Variants in AGAP1 observed in about 807,000 individuals in gnomAD.
AGAP1 encodes the protein arf-GAP with GTPase, ANK repeat and PH domain-containing protein 1.
In AGAP1, 29 loss-of-function variants were observed where a neutral mutation model predicts 105.3. That is an observed-to-expected ratio of 0.28 (90% confidence interval 0.21 to 0.38). The LOEUF is 0.38. Ranked by LOEUF, AGAP1 falls within the 10% of genes least tolerant of loss-of-function variation. The probability of loss-of-function intolerance (pLI) is 1.00; values close to 1 mark genes in which losing one functional copy is unlikely to be tolerated. For synonymous variants in AGAP1, 509 were observed against 485.9 expected, an observed-to-expected ratio of 1.05 and a Z score of -0.63; for missense variants, 998 against 1,165.1, an observed-to-expected ratio of 0.86 and a Z score of 2.09.
intron 16 of AGAP1, among the ~76,000 whole-genome samples, chr2:236,115,115 G>A (rs532836289): frequency 1.9e-4 from 29 of 152,322 alleles, no homozygotes; most frequent in Admixed American, 9.2e-4. Context: ...GCAGGCCTTC[G>A]GTACCCGCGG....
chr2:235,914,427 C>A (rs1174304078), intron 11 of AGAP1, among the ~76,000 whole-genome samples: 1 of 151,608 alleles, frequency 6.6e-6, no homozygotes, highest in Non-Finnish European at 1.5e-5. Flanking sequence ...AAGATAAACA[C>A]ACAAGTAAGA....
At chr2:236,039,473 T>C (rs2057482674) in intron 14 of AGAP1, among the ~76,000 whole-genome samples, 1 of 152,176 alleles carries the variant, frequency 6.6e-6, no homozygotes, top group African/African-American at 2.4e-5. Flanking sequence ...CCAGTACATA[T>C]CCTTTCACTT....
At position 235,982,160 on chromosome 2, in the gene AGAP1, G is replaced by T. The variant is rs558978819; in HGVS notation, c.1645+13537G>T. ...CAAAGGCTGTAATTTTGGAAAGCTG[G>T]CATATATAATGATGATCTCTTCGCA... On this transcript the variant is annotated intron_variant, in intron 13 of 17. Transcript: ENST00000304032. This position sits in a 1 kb window ranked among gnomAD's most constrained non-coding sequence, Gnocchi z 4.9. Among the ~76,000 whole-genome samples the T allele has an allele frequency of 2.6e-5, 4 of 152,272 alleles. No homozygotes were observed. In the South Asian group the frequency reaches 8.3e-4, roughly 32 times the overall value.
rs1945720936 is a variant in AGAP1, at chr2:235,601,231, G to A, written c.163+106382G>A. On this transcript the variant is annotated intron_variant, in intron 1 of 17. Coordinates refer to ENST00000304032, the MANE Select transcript of AGAP1 (RefSeq NM_001037131.3). This position sits in a 1 kb window ranked among gnomAD's most constrained non-coding sequence, Gnocchi z 4.4. ...CGTTTCTGGTGGGGCCCCTCTTTCT[G>A]GCTTGCAGATAGTTCCTCCTTACTG... Among the ~76,000 whole-genome samples the A allele has an allele frequency of 6.6e-6, 1 of 152,194 alleles. No individual in the cohort carries two copies. Among genetic ancestry groups the A allele is most frequent in the Non-Finnish European group, 1.5e-5 (1 of 68,048 alleles).
chr2:235,592,762 G>A (rs1045765620), intron 1 of AGAP1, among the ~76,000 whole-genome samples: 5 of 152,158 alleles, frequency 3.3e-5, no homozygotes, highest in Non-Finnish European at 2.9e-5. Context: ...AGGTTGCTTG[G>A]GGACGTGATG....
At chr2:236,026,309 G>A (rs2125621957) in intron 13 of AGAP1, among the ~76,000 whole-genome samples, 1 of 152,350 alleles carries the variant, frequency 6.6e-6, no homozygotes, top group Admixed American at 6.5e-5. Context: ...TGCTCCCTGT[G>A]CTGGCCAGGG....
At chr2:236,024,235 C>G (rs1425930137) in intron 13 of AGAP1, among the ~76,000 whole-genome samples, 3 of 152,008 alleles carry the variant, frequency 2.0e-5, no homozygotes, top group Non-Finnish European at 4.4e-5. Flanking sequence ...TGGGGTTTCA[C>G]CATGTTGCCC....
chr2:236,002,484 A>G lies in AGAP1; in HGVS notation c.1645+33861A>G, dbSNP rs954629131. On this transcript the variant is annotated intron_variant, in intron 13 of 17. Coordinates refer to ENST00000304032, the MANE Select transcript of AGAP1 (RefSeq NM_001037131.3). The surrounding 1 kb of genome is among the most constrained non-coding windows in gnomAD (Gnocchi z 4.3). ...ATAAGCGAATCCTGATTTTCTGACA[A>G]AAGAGACATGAAACAAATATGTTAA... Among the ~76,000 whole-genome samples the G allele has an allele frequency of 6.6e-6, 1 of 152,242 alleles. No homozygotes were observed. The highest frequency in any genetic ancestry group is 1.5e-5 in the Non-Finnish European group (1 of 68,046).
At chr2:235,656,329 A>G (rs1319496483) in intron 1 of AGAP1, among the ~76,000 whole-genome samples, 4 of 152,234 alleles carry the variant, frequency 2.6e-5, no homozygotes, top group Admixed American at 6.5e-5. Flanking sequence ...TTGGGTTTAC[A>G]TGAAGCTAAT....
rs905104937 is a variant in AGAP1, at chr2:235,895,185, C to T, written c.1155+11736C>T. Reference sequence around the variant, plus strand: ...AACCTGTAGGCTGTATGAAGAATAGCGGTTACTCCTAAGCTGCTTTTAACT... The same window carrying T: ...AACCTGTAGGCTGTATGAAGAATAGTGGTTACTCCTAAGCTGCTTTTAACT... On this transcript the variant is annotated intron_variant, in intron 10 of 17. Transcript: ENST00000304032. Among the ~76,000 whole-genome samples the T allele has an allele frequency of 5.3e-5, 8 of 152,186 alleles. No individual in the cohort carries two copies. In the South Asian group the frequency reaches 8.3e-4, roughly 16 times the overall value.
chr2:235,770,301 A>AT (rs1490791526), intron 6 of AGAP1, among the ~76,000 whole-genome samples: 3 of 151,108 alleles, frequency 2.0e-5, no homozygotes, highest in Non-Finnish European at 3.0e-5. Flanking sequence ...CGCCTGGCTA[A>AT]TTTTTTTTGT....
Position 236,055,366 on chromosome 2 carries a change from C to T in AGAP1, c.2114+6085C>T, listed in dbSNP as rs2058023207. ...TTGTTTTCATGTGTTTCTTTCAGTG[C>T]TCTCAGGGAGAATTCTGTTTGTGGA... On this transcript the variant is annotated intron_variant, in intron 16 of 17. Coordinates refer to ENST00000304032, the MANE Select transcript of AGAP1 (RefSeq NM_001037131.3). This position sits in a 1 kb window ranked among gnomAD's most constrained non-coding sequence, Gnocchi z 6.2. 6.6e-6 allele frequency among the ~76,000 whole-genome samples: 1 copy of T among 152,214 alleles called. No individual in the cohort carries two copies. Among genetic ancestry groups the T allele is most frequent in the African/African-American group, 2.4e-5 (1 of 41,446 alleles).
chr2:235,819,200 C>G (rs1958639536), intron 9 of AGAP1, among the ~76,000 whole-genome samples: 1 of 151,718 alleles, frequency 6.6e-6, no homozygotes, highest in Admixed American at 6.6e-5. Context: ...ACTGTAACCT[C>G]TGCCTCCCGT....
chr2:236,046,927 G>T lies in AGAP1; in HGVS notation c.1892-2132G>T, dbSNP rs1221276927. Among the ~76,000 whole-genome samples, 1 of 152,186 alleles carries T rather than the reference G, an allele frequency of 6.6e-6. No individual in the cohort carries two copies. Among genetic ancestry groups the T allele is most frequent in the Non-Finnish European group, 1.5e-5 (1 of 68,032 alleles). On this transcript the variant is annotated intron_variant, in intron 15 of 17. Transcript: ENST00000304032. This position sits in a 1 kb window ranked among gnomAD's most constrained non-coding sequence, Gnocchi z 5.2. ...GCAGGAGGATTGCTTGAGCCCAGTG[G>T]TTGAAGCCTGGGCAACATAGCAAGA...
intron 1 of AGAP1, among the ~76,000 whole-genome samples, chr2:235,629,889 A>G (rs1946771170): frequency 6.6e-6 from 1 of 150,574 alleles, no homozygotes; most frequent in African/African-American, 2.5e-5. Flanking sequence ...AAAAAGAAAG[A>G]ACAGAAATCA....
chr2:235,602,235 G>C (rs1437343619), intron 1 of AGAP1, among the ~76,000 whole-genome samples: 2 of 152,220 alleles, frequency 1.3e-5, no homozygotes, highest in Non-Finnish European at 2.9e-5. Flanking sequence ...AAATAAAGCC[G>C]TGTTGGGTCA....
intron 1 of AGAP1, among the ~76,000 whole-genome samples, chr2:235,581,504 A>C (rs940753138): frequency 6.7e-6 from 1 of 149,058 alleles, no homozygotes; most frequent in Non-Finnish European, 1.5e-5. Flanking sequence ...ATATTCCAGG[A>C]GGCCATTTAA....
In AGAP1 at chr2:235,981,164, A is replaced by G. The variant is rs1180291870; in HGVS notation, c.1645+12541A>G. 6.6e-6 allele frequency among the ~76,000 whole-genome samples: 1 copy of G among 152,178 alleles called. No homozygotes were observed. The highest frequency in any genetic ancestry group is 1.5e-5 in the Non-Finnish European group (1 of 68,030). On this transcript the variant is annotated intron_variant, in intron 13 of 17. Transcript: ENST00000304032. The surrounding 1 kb of genome is among the most constrained non-coding windows in gnomAD (Gnocchi z 5.5). ...CAAAGTCTGTCTTGAACTTGCCAAC[A>G]CATGCTGCCTCGGGGCCTGTGGTCA...
Position 235,663,173 on chromosome 2 carries a change from G to C in AGAP1, c.164-46006G>C, listed in dbSNP as rs1948017784. ...TAAAAATAAAAATTAGCTGGGCATG[G>C]TGGTGGGCGCCTGTGATCCCATCTA... On this transcript the variant is annotated intron_variant, in intron 1 of 17. Coordinates refer to ENST00000304032, the MANE Select transcript of AGAP1 (RefSeq NM_001037131.3). The surrounding 1 kb of genome is among the most constrained non-coding windows in gnomAD (Gnocchi z 5.4). 6.6e-6 allele frequency among the ~76,000 whole-genome samples: 1 copy of C among 152,190 alleles called. No homozygotes were observed. Among genetic ancestry groups the C allele is most frequent in the Non-Finnish European group, 1.5e-5 (1 of 68,030 alleles).
Sources: allele counts gnomAD v4.1 joint callset (sites outside exome capture counted in the v4.1 genomes callset), GRCh38; gene constraint gnomAD v4.1.1; non-coding constraint Gnocchi (gnomAD v3.1); transcripts MANE v1.5; gene names NCBI Gene and HGNC (gene_info 2026-07-23, HGNC 2026-07-21).